TTC29: variants seen among roughly 807,000 people sequenced by gnomAD.
TTC29 encodes tetratricopeptide repeat domain 29.
In TTC29, 49 loss-of-function variants were observed where a neutral mutation model predicts 58.1. That is an observed-to-expected ratio of 0.84 (90% confidence interval 0.67 to 1.07). TTC29 has a LOEUF of 1.07. Among genes scored for constraint, TTC29 ranks in the 50% least tolerant of loss-of-function variants. The pLI is 0.00. For missense variants in TTC29, 582 were observed against 555.6 expected (o/e 1.05, Z -0.48); for synonymous variants, 209 against 196.8 (o/e 1.06, Z -0.52).
At chr4:146,772,140 TG>T (rs760090482) in intron 11 of TTC29, among the ~76,000 whole-genome samples, 3 of 152,186 alleles carry the variant, frequency 2.0e-5, no homozygotes, top group Non-Finnish European at 4.4e-5. Context: ...TTATAGATTC[TG>T]GATATTAGAC....
At chr4:146,765,808 T>G (rs1579624885) in intron 11 of TTC29, among the ~76,000 whole-genome samples, 1 of 152,158 alleles carries the variant, frequency 6.6e-6, no homozygotes. Flanking sequence ...ATGACTGATT[T>G]TTTTTTAAAG....
At chr4:146,850,064 T>C (rs1430498486) in intron 8 of TTC29, among the ~76,000 whole-genome samples, 1 of 152,224 alleles carries the variant, frequency 6.6e-6, no homozygotes, top group East Asian at 1.9e-4. Context: ...TTCATCTTCA[T>C]TGTTAGTTTT....
chr4:146,924,042 T>G (rs1256025945), intron 4 of TTC29, among the ~76,000 whole-genome samples: 1 of 151,764 alleles, frequency 6.6e-6, no homozygotes, highest in Non-Finnish European at 1.5e-5. Context: ...TTAGGACAAC[T>G]GATTTGCAAA....
At chr4:146,832,649 G>T (rs866254583) in intron 9 of TTC29, among the ~76,000 whole-genome samples, 17 of 151,890 alleles carry the variant, frequency 1.1e-4, no homozygotes, top group Admixed American at 9.2e-4. Context: ...TTTTGTGTGT[G>T]TGTGTGTGTG....
chr4:146,895,654 T>TG (rs1176148122), intron 6 of TTC29, among the ~76,000 whole-genome samples: 3 of 152,184 alleles, frequency 2.0e-5, no homozygotes, highest in African/African-American at 7.2e-5. Context: ...AGATTAATTC[T>TG]GGGGGAGAAT....
chr4:146,893,942 C>G (rs1732570697), intron 6 of TTC29, among the ~76,000 whole-genome samples: 1 of 152,206 alleles, frequency 6.6e-6, no homozygotes, highest in Non-Finnish European at 1.5e-5. Flanking sequence ...CTCATCATCA[C>G]TGGCCATCAG....
chr4:146,711,776 T>C (rs1348329496), intron 11 of TTC29, among the ~76,000 whole-genome samples: 1 of 152,068 alleles, frequency 6.6e-6, no homozygotes, highest in East Asian at 1.9e-4. Flanking sequence ...CAGAAACTGA[T>C]TTCTGAAAAA....
intron 4 of TTC29, among the ~76,000 whole-genome samples, chr4:146,915,263 C>A (rs1734146546): frequency 6.6e-6 from 1 of 152,068 alleles, no homozygotes. Flanking sequence ...TTCTTCTTCT[C>A]CTCCTCCACA....
intron 11 of TTC29, among the ~76,000 whole-genome samples, chr4:146,766,234 G>C (rs966978526): frequency 6.6e-6 from 1 of 151,968 alleles, no homozygotes; most frequent in South Asian, 2.1e-4. Flanking sequence ...GAGGAGCAAC[G>C]TGTATGTTAG....
chr4:146,789,691 C>T (rs547447298), intron 11 of TTC29, among the ~76,000 whole-genome samples: 21 of 152,152 alleles, frequency 1.4e-4, no homozygotes, highest in African/African-American at 4.1e-4. Flanking sequence ...AGAAAAGTAT[C>T]GGAGTACTTC....
At chr4:146,858,104 T>A (rs1262556044) in intron 8 of TTC29, among the ~76,000 whole-genome samples, 1 of 152,270 alleles carries the variant, frequency 6.6e-6, no homozygotes, top group African/African-American at 2.4e-5. Context: ...AATGGTATCT[T>A]ACAGTTGAGA....
chr4:146,798,511 G>A (rs923413583), intron 11 of TTC29, among the ~76,000 whole-genome samples: 1 of 151,910 alleles, frequency 6.6e-6, no homozygotes, highest in Non-Finnish European at 1.5e-5. Flanking sequence ...TCCTTTTGTG[G>A]AAACTCACAG....
At chr4:146,708,275 A>G (rs936429004) in intron 11 of TTC29, among the ~76,000 whole-genome samples, 5 of 144,510 alleles carry the variant, frequency 3.5e-5, no homozygotes, top group African/African-American at 1.1e-4. Context: ...AGCAATATAA[A>G]GTACCCAAAT....
intron 6 of TTC29, among the ~76,000 whole-genome samples, chr4:146,892,712 G>A (rs1005177317): frequency 6.6e-6 from 1 of 152,106 alleles, no homozygotes; most frequent in African/African-American, 2.4e-5. Context: ...GGAAATAAAC[G>A]ATATTCAATT....
At chr4:146,716,805 TC>T (rs1319002071) in intron 11 of TTC29, among the ~76,000 whole-genome samples, 2 of 152,180 alleles carry the variant, frequency 1.3e-5, no homozygotes, top group East Asian at 3.8e-4. Flanking sequence ...ACCTTGTACA[TC>T]CCAGCTAAGA....
At chr4:146,919,227 C>T (rs1734429292) in intron 4 of TTC29, among the ~76,000 whole-genome samples, 1 of 151,084 alleles carries the variant, frequency 6.6e-6, no homozygotes, top group Admixed American at 6.6e-5. Flanking sequence ...ACACCTTTGG[C>T]TAACTGCAGC....
intron 8 of TTC29, among the ~76,000 whole-genome samples, chr4:146,836,689 G>T (rs572248727): frequency 6.6e-6 from 1 of 152,144 alleles, no homozygotes; most frequent in South Asian, 2.1e-4. Context: ...GGGCAAAGGA[G>T]GTGAACAGAC....
rs904111088 is a variant in TTC29 at position 146,936,247 on chromosome 4, T to C, written c.176+1347A>G. On this transcript the variant is annotated intron_variant, in intron 4 of 12. Transcript: ENST00000325106. ...ACTCATCACTATAGCCTATTTTGCA[T>C]TGTCTTAGATAAAATTTTTCTTCAG... 9.9e-5 allele frequency among the ~76,000 whole-genome samples: 15 copies of C among 152,218 alleles called. 1 individual carries two copies. Among genetic ancestry groups the C allele is most frequent in the Non-Finnish European group, 1.9e-4 (13 of 68,034 alleles).
chr4:146,888,001 C>T (rs1205022933), intron 6 of TTC29, among the ~76,000 whole-genome samples: 2 of 151,616 alleles, frequency 1.3e-5, no homozygotes, highest in Non-Finnish European at 2.9e-5. Context: ...GCTGAGGAGA[C>T]ACTGCACACA....
Sources: gnomAD v4.1 joint callset for allele counts (sites outside exome capture counted in the v4.1 genomes callset) on GRCh38, gnomAD v4.1.1 for gene constraint, MANE v1.5 for transcripts, NCBI Gene and HGNC (gene_info 2026-07-23, HGNC 2026-07-21) for gene names.